CCDC57: variants seen among roughly 807,000 people sequenced by gnomAD.
CCDC57 encodes coiled-coil domain containing 57, also known as coiled-coil domain-containing protein 57.
Under a neutral mutation model 118.9 loss-of-function variants are expected in CCDC57, and 118 were observed. That is an observed-to-expected ratio of 0.99 (90% confidence interval 0.86 to 1.16). The LOEUF is 1.16. CCDC57 is among the 50% of genes most tolerant of loss of function. The probability of loss-of-function intolerance (pLI) is 0.00; values close to 1 mark genes in which losing one functional copy is unlikely to be tolerated. For missense variants in CCDC57, 1,300 were observed against 1,320.7 expected, an observed-to-expected ratio of 0.98 and a Z score of 0.24; for synonymous variants, 527 against 532.9, an observed-to-expected ratio of 0.99 and a Z score of 0.15.
intron 1 of CCDC57, among the ~76,000 whole-genome samples, chr17:82,211,789 G>A (rs1384422124): frequency 6.6e-6 from 1 of 152,072 alleles, no homozygotes; most frequent in Non-Finnish European, 1.5e-5. Flanking sequence ...GCACATCCAG[G>A]AATGCGCTTA....
chr17:82,183,616 G>T (rs766455296), intron 9 of CCDC57, among the ~76,000 whole-genome samples, 158 bp downstream of exon 8: 5 of 152,052 alleles, frequency 3.3e-5, no homozygotes, highest in African/African-American at 4.8e-5. Context: ...CACCACCCCT[G>T]CGTGACCAGA....
At chr17:82,174,042 A>G (rs1379571947) in intron 11 of CCDC57, among the ~76,000 whole-genome samples, 2 of 152,250 alleles carry the variant, frequency 1.3e-5, no homozygotes, top group African/African-American at 4.8e-5. Context: ...AGAGGGAAAC[A>G]AAGTCCCAGG....
At chr17:82,151,088 GGTGCAC>G in intron 16 of CCDC57, among the ~76,000 whole-genome samples, 1 of 110,894 alleles carries the variant, frequency 9.0e-6, no homozygotes, top group Non-Finnish European at 2.0e-5. Context: ...CTCAGAACCT[GGTGCAC>G]ACCCAGAACC....
At chr17:82,175,743 C>G (rs1015331702) in intron 11 of CCDC57, 1 of 152,200 alleles carries the variant, frequency 6.6e-6, no homozygotes, top group African/African-American at 2.4e-5. Context: ...GTCACCGGTG[C>G]GCATCCTCAA....
In CCDC57 at chr17:82,195,351, TC is replaced by T; in HGVS notation, c.529del (p.Glu177SerfsTer20). On this transcript the variant is annotated frameshift_variant, in exon 5 of 20. Transcript: ENST00000665763. LOFTEE classifies it high-confidence loss of function. ...CCTCTTCCGCATTTTCGATTCAAAC[TC>T]CAGCAGCAGTTCCTGGAACAAACAG... The T allele has an allele frequency of 6.3e-7, 1 of 1,593,678 alleles. No homozygotes were observed. The highest frequency in any genetic ancestry group is 1.8e-5 in the Admixed American group (1 of 57,070).
intron 19 of CCDC57, among the ~76,000 whole-genome samples, chr17:82,117,332 G>A (rs1027119478): frequency 5.9e-5 from 9 of 152,032 alleles, no homozygotes; most frequent in African/African-American, 2.2e-4. Flanking sequence ...GCGACAGAGG[G>A]AGATCCTGAC....
In CCDC57 at chr17:82,107,520, G is replaced by A. The variant is rs773519287; in HGVS notation, c.2900-5654C>T. On this transcript the variant is annotated intron_variant, in intron 19 of 19. Coordinates refer to ENST00000665763, the Ensembl canonical transcript of CCDC57. ...AAAGCGGACCCCCGCCAGAAAGGAG[G>A]AAGAGGCCCCCAGGTAGGTGCGTGC... The A allele has an allele frequency of 2.3e-5, 11 of 470,928 alleles. No individual in the cohort carries two copies. The East Asian group carries it at 7.6e-4, about 33-fold the overall frequency. 29.2% of individuals were successfully genotyped at this position (470,928 alleles called of 1,614,324 possible). A position where few individuals can be genotyped will look rare whatever the true frequency, so the allele number is the denominator to read the frequency against.
intron 7 of CCDC57, among the ~76,000 whole-genome samples, chr17:82,189,025 AG>A (rs1359201122): frequency 7.9e-5 from 12 of 152,220 alleles, no homozygotes; most frequent in Non-Finnish European, 1.2e-4. Flanking sequence ...GAAGCACTTT[AG>A]GAGGCCGAGG....
intron 19 of CCDC57, among the ~76,000 whole-genome samples, chr17:82,120,607 C>T (rs1162647529): frequency 2.0e-5 from 3 of 152,222 alleles, no homozygotes; most frequent in Non-Finnish European, 2.9e-5. Flanking sequence ...TTCAGTTAAG[C>T]ATGCTCAAAT....
intron 19 of CCDC57, among the ~76,000 whole-genome samples, chr17:82,124,159 G>A (rs777256651): frequency 6.6e-6 from 1 of 152,170 alleles, no homozygotes; most frequent in Non-Finnish European, 1.5e-5. Flanking sequence ...AAAGAGCAGA[G>A]GGCATTTCTC....
chr17:82,107,385 G>GAGTGGGGAGTGGCT (rs2034929538), intron 19 of CCDC57: 3 of 466,060 alleles, frequency 6.4e-6, no homozygotes, highest in Admixed American at 2.4e-5. Flanking sequence ...GGGGAGTGGG[G>GAGTGGGGAGTGGCT]AGTGGCTGCC....
chr17:82,104,159 C>T (rs1458718651), intron 19 of CCDC57, among the ~76,000 whole-genome samples: 5 of 152,244 alleles, frequency 3.3e-5, no homozygotes, highest in African/African-American at 1.2e-4. Context: ...ACGCTCTTGG[C>T]CTCCACCACT....
chr17:82,128,396 C>T (rs1013603475), intron 18 of CCDC57, 97 bp downstream of exon 17: 3 of 777,238 alleles, frequency 3.9e-6, no homozygotes, highest in East Asian at 2.7e-5. Context: ...GCATGCAGAG[C>T]GAAGGCCCCT....
chr17:82,194,394 TC>T, intron 5 of CCDC57: 2 of 335,580 alleles, frequency 6.0e-6, no homozygotes, highest in Non-Finnish European at 1.1e-5. Context: ...CACTGCAACC[TC>T]CCCCTCCTGG....
chr17:82,202,891 G>C (rs960403219), intron 2 of CCDC57, among the ~76,000 whole-genome samples: 2 of 152,206 alleles, frequency 1.3e-5, no homozygotes, highest in African/African-American at 4.8e-5. Context: ...TCACAGCTGA[G>C]AAAACTAAGG....
At chr17:82,150,935 C>T (rs2041908800) in intron 16 of CCDC57, among the ~76,000 whole-genome samples, 2 of 90,318 alleles carry the variant, frequency 2.2e-5, no homozygotes, top group African/African-American at 4.0e-5. Context: ...AGGCGCACAC[C>T]CAGAACCAGG....
chr17:82,188,035 A>T (rs1488155729), intron 8 of CCDC57, among the ~76,000 whole-genome samples, 184 bp downstream of exon 7: 3 of 140,100 alleles, frequency 2.1e-5, no homozygotes, highest in Non-Finnish European at 4.6e-5. Flanking sequence ...ACACAATTTC[A>T]AAAATAAAGA....
intron 19 of CCDC57, chr17:82,107,465 G>C (rs2034937423): frequency 2.1e-6 from 1 of 470,290 alleles, no homozygotes; most frequent in Non-Finnish European, 4.4e-6. Context: ...CAGCTGCACG[G>C]CACACGGGGC....
chr17:82,107,598 G>A (rs1406831428), intron 19 of CCDC57: 11 of 470,610 alleles, frequency 2.3e-5, no homozygotes, highest in South Asian at 1.5e-4. Flanking sequence ...GAGTTGGTCT[G>A]CAGGTTCCAG....
Sources: gnomAD v4.1 joint callset for allele counts (sites outside exome capture counted in the v4.1 genomes callset) on GRCh38, gnomAD v4.1.1 for gene constraint, MANE v1.5 for transcripts, NCBI Gene and HGNC (gene_info 2026-07-23, HGNC 2026-07-21) for gene names.